The following SVOPL variants were observed in gnomAD, a reference collection of about 807,000 sequenced individuals.
The protein encoded by SVOPL is SVOP like.
SVOPL carries 60 observed loss-of-function variants against 61.0 expected under a neutral mutation model. That is an observed-to-expected ratio of 0.98 (90% CI 0.80 to 1.22). The LOEUF (loss-of-function observed/expected upper bound fraction) is 1.22. Among genes scored for constraint, SVOPL ranks in the 50% most tolerant of loss-of-function variants. The probability of loss-of-function intolerance (pLI) is 0.00; values close to 1 mark genes in which losing one functional copy is unlikely to be tolerated. For missense variants in SVOPL, 662 were observed against 643.9 expected, an observed-to-expected ratio of 1.03 and a Z score of -0.30; for synonymous variants, 279 against 250.0, an observed-to-expected ratio of 1.12 and a Z score of -1.09.
rs1180629812 is a variant in SVOPL, at chr7:138,672,670, A to AG, written c.175-554_175-553insC. ...TTTTTTGTGTTTAAAAAAAAAAAAA[A>AG]AAAAAGAAGCAATGGGATCTCACTA... On this transcript the variant is annotated intron_variant, in intron 3 of 15. Transcript: ENST00000674285. 9.0e-5 allele frequency among the ~76,000 whole-genome samples: 13 copies of AG among 145,138 alleles called. No individual in the cohort carries two copies. In the East Asian group the frequency reaches 2.1e-3, roughly 23 times the overall value.
In SVOPL at chr7:138,628,170, C is replaced by T. The variant is rs369769509; in HGVS notation, c.1057G>A (p.Gly353Ser). The change falls in exon 11 of 16, where the codon GGT becomes AGT. Residue 353 changes from glycine (G) to serine (S), a missense_variant. Coordinates refer to ENST00000674285, the MANE Select transcript of SVOPL (RefSeq NM_001139456.2). The part of the protein sequence containing the change: ...DYRTMIISTI[G>S]EIALNPLNIL... ...GAGGGACACTTACAAGCAATTTCAC[C>T]GATGGTGCTGATGATCATGGTCCGA... is the stretch of plus-strand genomic sequence containing the variant. The T allele has an allele frequency of 9.4e-5, 152 of 1,614,054 alleles. 1 individual carries two copies. The highest frequency in any genetic ancestry group is 5.7e-4 in the Admixed American group (34 of 60,006).
chr7:138,607,185 G>A (rs1305392248), intron 14 of SVOPL, among the ~76,000 whole-genome samples: 2 of 152,092 alleles, frequency 1.3e-5, no homozygotes, highest in African/African-American at 4.8e-5. Flanking sequence ...GAGACATCCA[G>A]GCGAAAATGC....
intron 14 of SVOPL, among the ~76,000 whole-genome samples, chr7:138,600,026 A>G (rs1798449482): frequency 6.6e-6 from 1 of 152,184 alleles, no homozygotes; most frequent in Admixed American, 6.5e-5. Flanking sequence ...GAAAACAAAC[A>G]CCTTAAGTGA....
At chr7:138,642,962 A>T (rs951496452) in intron 9 of SVOPL, among the ~76,000 whole-genome samples, 4 of 152,108 alleles carry the variant, frequency 2.6e-5, no homozygotes, top group African/African-American at 9.6e-5. Context: ...TTTTTTAAAA[A>T]CTCCTCTGCC....
chr7:138,629,237 A>ATTTT (rs34587301), intron 10 of SVOPL, among the ~76,000 whole-genome samples: 1 of 140,154 alleles, frequency 7.1e-6, no homozygotes, highest in African/African-American at 2.7e-5. Context: ...GCTCTTCATG[A>ATTTT]TTTTTTTTTT....
chr7:138,694,381 A>T (rs1226437618), intron 1 of SVOPL, among the ~76,000 whole-genome samples: 1 of 151,978 alleles, frequency 6.6e-6, no homozygotes, highest in East Asian at 1.9e-4. Context: ...AGTAGCTGGG[A>T]TTACAAGTGC....
At chr7:138,662,294 A>G (rs1802034176) in intron 5 of SVOPL, 2 of 985,332 alleles carry the variant, frequency 2.0e-6, no homozygotes, top group South Asian at 9.4e-5. Flanking sequence ...TAAAACTTGC[A>G]TCTGTTTCCT....
At chr7:138,603,944 CTTAA>C (rs1163788825) in intron 14 of SVOPL, among the ~76,000 whole-genome samples, 5 of 149,262 alleles carry the variant, frequency 3.3e-5, no homozygotes, top group East Asian at 2.0e-4. Flanking sequence ...TCTCAAAAAC[CTTAA>C]TTTATTCTTT....
chr7:138,641,433 G>A (rs952955900), intron 9 of SVOPL, among the ~76,000 whole-genome samples: 2 of 152,038 alleles, frequency 1.3e-5, no homozygotes, highest in Non-Finnish European at 2.9e-5. Flanking sequence ...CACTTTGGGA[G>A]GCCGAGGAGG....
Position 138,642,004 on chromosome 7 carries a change from TAAC to T in SVOPL, c.789+2710_789+2712del, listed in dbSNP as rs200624499. On this transcript the variant is annotated intron_variant, in intron 9 of 15. Coordinates refer to ENST00000674285, the MANE Select transcript of SVOPL (RefSeq NM_001139456.2). ...TTCTTTTTAAACACTCTTGTGACAT[TAAC>T]AAGAAGTCCCTATATAGAGGACAAA... is the stretch of plus-strand genomic sequence containing the variant. Among the ~76,000 whole-genome samples, 708 of 150,658 alleles carry T rather than the reference TAAC, an allele frequency of 4.7e-3. 8 individuals carry two copies. Among genetic ancestry groups the T allele is most frequent in the African/African-American group, 0.016 (652 of 41,246 alleles).
chr7:138,620,444 CAAAAA>C (rs3080386), intron 14 of SVOPL, among the ~76,000 whole-genome samples: 7 of 87,294 alleles, frequency 8.0e-5, no homozygotes, highest in Non-Finnish European at 1.6e-4. Context: ...TCTTTGCAGC[CAAAAA>C]AAAAAAAAAA....
chr7:138,652,047 A>C (rs958247333), intron 7 of SVOPL, among the ~76,000 whole-genome samples: 1 of 151,852 alleles, frequency 6.6e-6, no homozygotes, highest in African/African-American at 2.4e-5. Context: ...TTACAGGTTC[A>C]TGCCACCACA....
At chr7:138,686,111 A>G (rs1193894276) in intron 1 of SVOPL, among the ~76,000 whole-genome samples, 1 of 152,062 alleles carries the variant, frequency 6.6e-6, no homozygotes, top group Non-Finnish European at 1.5e-5. Flanking sequence ...ACATAAAAAT[A>G]GCCAGAGAGG....
intron 14 of SVOPL, among the ~76,000 whole-genome samples, chr7:138,603,914 C>G (rs759783041): frequency 2.0e-5 from 3 of 151,480 alleles, no homozygotes; most frequent in Non-Finnish European, 4.4e-5. Context: ...TTTCGATAAA[C>G]CTTTACAAAA....
At chr7:138,668,566 T>C (rs371366762) in intron 4 of SVOPL, among the ~76,000 whole-genome samples, 185 of 152,210 alleles carry the variant, frequency 1.2e-3, no homozygotes, top group African/African-American at 3.9e-3. Flanking sequence ...ACAACTGGAA[T>C]CCAAACTTCC....
At chr7:138,621,182 TC>T in intron 13 of SVOPL, 47 bp from the exon 14 acceptor site, 1 of 1,550,350 alleles carries the variant, frequency 6.5e-7, no homozygotes, top group Non-Finnish European at 8.8e-7. Context: ...TGTCCGTCCT[TC>T]CCCGAGCCCT....
At chr7:138,597,134 G>C in intron 14 of SVOPL, 1 of 1,284,462 alleles carries the variant, frequency 7.8e-7, no homozygotes, top group Non-Finnish European at 1.0e-6. Context: ...GCAGATACTG[G>C]TAATTCAGAT....
At chr7:138,613,519 G>A (rs879333022) in intron 14 of SVOPL, among the ~76,000 whole-genome samples, 1 of 151,814 alleles carries the variant, frequency 6.6e-6, no homozygotes, top group African/African-American at 2.4e-5. Context: ...GTCCCACCTC[G>A]AGGCCCTCAA....
intron 1 of SVOPL, 31 bp from the exon 2 acceptor site, chr7:138,679,110 G>A (rs1584865629): frequency 1.4e-6 from 2 of 1,424,314 alleles, no homozygotes; most frequent in East Asian, 2.5e-5. Context: ...AAGAAGGAAA[G>A]AAATATAATG....
Sources: allele counts gnomAD v4.1 joint callset (sites outside exome capture counted in the v4.1 genomes callset), GRCh38; gene constraint gnomAD v4.1.1; transcripts MANE v1.5; gene names NCBI Gene and HGNC (gene_info 2026-07-23, HGNC 2026-07-21).